The following NFKBIZ variants were observed in gnomAD, a reference collection of about 807,000 sequenced individuals.
NFKBIZ encodes the protein NF-kappa-B inhibitor zeta.
NFKBIZ carries 19 observed loss-of-function variants against 76.8 expected under a neutral mutation model. The observed-to-expected ratio is 0.25, with a 90% CI of 0.17 to 0.36. The LOEUF (loss-of-function observed/expected upper bound fraction) is 0.36, where lower values mean the gene tolerates loss of function less well. Among genes scored for constraint, NFKBIZ ranks in the 10% least tolerant of loss-of-function variants. The probability of loss-of-function intolerance (pLI) is 1.00; values close to 1 mark genes in which losing one functional copy is unlikely to be tolerated. For synonymous variants in NFKBIZ, 368 were observed against 354.8 expected (o/e 1.04, Z -0.42); for missense variants, 829 against 910.9 (o/e 0.91, Z 1.16).
intron 11 of NFKBIZ, among the ~76,000 whole-genome samples, chr3:101,859,072 A>G (rs755853997): frequency 1.3e-5 from 2 of 152,224 alleles, no homozygotes; most frequent in Non-Finnish European, 2.9e-5. Flanking sequence ...GATAATTTTT[A>G]GTGGAGATGT....
chr3:101,843,388 A>G (rs1196211891), intron 2 of NFKBIZ, among the ~76,000 whole-genome samples: 2 of 152,180 alleles, frequency 1.3e-5, no homozygotes, highest in Non-Finnish European at 2.9e-5. Context: ...GGTTACAATG[A>G]GCTATAATCA....
At chr3:101,856,681 C>T (rs1422264048) in intron 9 of NFKBIZ, 1 of 160,300 alleles carries the variant, frequency 6.2e-6, no homozygotes. Context: ...ACCCTTGAGG[C>T]TTACTGACTA....
upstream of NFKBIZ, among the ~76,000 whole-genome samples, chr3:101,848,578 C>A (rs60650635): frequency 0.013 from 1,934 of 152,312 alleles, 43 homozygotes; most frequent in African/African-American, 0.044. Context: ...CCTTATCATT[C>A]CCGCATTTTT....
chr3:101,834,559 C>G (rs1942690833), intron 2 of NFKBIZ, among the ~76,000 whole-genome samples: 1 of 152,022 alleles, frequency 6.6e-6, no homozygotes, highest in African/African-American at 2.4e-5. Context: ...TGGGGTTTCA[C>G]TGTGTTGGCC....
At chr3:101,857,982 T>A in intron 11 of NFKBIZ, 2 of 786,914 alleles carry the variant, frequency 2.5e-6, no homozygotes, top group Non-Finnish European at 3.0e-6. Flanking sequence ...CCTAGAAATA[T>A]TTTGTTTTAA....
At chr3:101,836,365 T>C (rs1210383552) in intron 2 of NFKBIZ, among the ~76,000 whole-genome samples, 1 of 152,244 alleles carries the variant, frequency 6.6e-6, no homozygotes, top group Non-Finnish European at 1.5e-5. Flanking sequence ...CCGGGAACTC[T>C]CTACGTAAAA....
intron 2 of NFKBIZ, among the ~76,000 whole-genome samples, chr3:101,839,167 C>A (rs1205081919): frequency 1.3e-5 from 2 of 151,982 alleles, no homozygotes; most frequent in African/African-American, 4.8e-5. Context: ...TCCTTGTTTA[C>A]AGAAATTCAA....
Position 101,853,290 on chromosome 3 carries a change from A to G in NFKBIZ, c.764A>G (p.Gln255Arg). 1 of 1,614,184 alleles carries G rather than the reference A, an allele frequency of 6.2e-7. No individual in the cohort carries two copies. Among genetic ancestry groups the G allele is most frequent in the Non-Finnish European group, 8.5e-7 (1 of 1,180,032 alleles). Residue 255 changes from glutamine (Q) to arginine (R), a missense_variant, in exon 5 of 12, where the codon CAG (glutamine) becomes CGG (arginine). Coordinates refer to ENST00000326172, the MANE Select transcript of NFKBIZ (RefSeq NM_031419.4). ...CAGAGCTCCCCCGCAGAGCAGTGTC[A>G]GGACTTCCATGGAGGGCAGGTCTTT... is the stretch of plus-strand genomic sequence containing the variant. Reference protein sequence around the residue: ...VPQSSPAEQCQDFHGGQVFSP... With the variant: ...VPQSSPAEQCRDFHGGQVFSP...
At chr3:101,855,233 C>A (rs1273256479) in intron 7 of NFKBIZ, 25 bp downstream of exon 7, 29 of 1,601,594 alleles carry the variant, frequency 1.8e-5, no homozygotes, top group Non-Finnish European at 2.5e-5. Flanking sequence ...ACCAGGCTTC[C>A]ATCATTGCAA....
At chr3:101,831,459 T>C (rs1942645826) in intron 2 of NFKBIZ, among the ~76,000 whole-genome samples, 1 of 152,152 alleles carries the variant, frequency 6.6e-6, no homozygotes, top group Admixed American at 6.5e-5. Context: ...TTTTCTGTGG[T>C]TTGTTGTCTT....
In NFKBIZ at chr3:101,830,458, C is replaced by T. The variant is rs148364919; in HGVS notation, c.-12+770C>T. 4.2e-4 allele frequency among the ~76,000 whole-genome samples: 64 copies of T among 152,260 alleles called. 1 individual carries two copies. The highest frequency in any genetic ancestry group is 1.5e-3 in the African/African-American group (62 of 41,550). On this transcript the variant is annotated intron_variant, in intron 2 of 12. Coordinates refer to the NFKBIZ transcript ENST00000394054. ...CCAGGTACTGATCATAGTTATTTTTCAGCCCTTGCTTTCCTCCCTCTCTCC... is the reference window on the plus strand; with the variant it reads ...CCAGGTACTGATCATAGTTATTTTTTAGCCCTTGCTTTCCTCCCTCTCTCC...
At chr3:101,834,954 C>A (rs1248224902) in intron 2 of NFKBIZ, among the ~76,000 whole-genome samples, 1 of 152,208 alleles carries the variant, frequency 6.6e-6, no homozygotes, top group Non-Finnish European at 1.5e-5. Flanking sequence ...TCCTCCTCTT[C>A]TCCTATGTTC....
intron 2 of NFKBIZ, among the ~76,000 whole-genome samples, chr3:101,832,105 T>G (rs1165063243): frequency 1.3e-5 from 2 of 152,034 alleles, no homozygotes; most frequent in Non-Finnish European, 2.9e-5. Flanking sequence ...TCTTTCTTTC[T>G]TTTTTATTTT....
At chr3:101,847,902 C>T (rs1942876880), upstream of NFKBIZ, among the ~76,000 whole-genome samples, 1 of 152,226 alleles carries the variant, frequency 6.6e-6, no homozygotes, top group African/African-American at 2.4e-5. Context: ...TCTGTGATCC[C>T]TTGTGATCTG....
chr3:101,853,216 T>G lies in NFKBIZ; in HGVS notation c.690T>G (p.Val230=), dbSNP rs1183896821. 1 of 1,614,168 alleles carries G rather than the reference T, an allele frequency of 6.2e-7. No individual in the cohort carries two copies. The highest frequency in any genetic ancestry group is 8.5e-7 in the Non-Finnish European group (1 of 1,180,032). Residue 230 remains valine (V), a synonymous_variant, in exon 5 of 12, where the codon GTT becomes GTG. Transcript: ENST00000326172. ...ACATTAAGAATGAATGCAGCCCCGT[T>G]TCCCTGAACACAGTTCAAGTTAGCT... ...IINIKNECSP[V]SLNTVQVSWL... is the part of the protein sequence containing the mutation.
chr3:101,852,704 G>T (rs1193376224), intron 2 of NFKBIZ, 34 bp from the exon 3 acceptor site: 4 of 1,520,918 alleles, frequency 2.6e-6, no homozygotes, highest in Non-Finnish European at 3.6e-6. Flanking sequence ...AAGTCATTTT[G>T]TATACACTAA....
rs370129791 is a variant in NFKBIZ at position 101,852,929 on chromosome 3, C to T, written c.504C>T (p.Pro168=). ...TVSYSGKRKG[P]DSLSDGPACK... Reference sequence around the variant, plus strand: ...CATACAGTGGGAAAAGGAAAGGGCCCGATTCGTTGTCTGATGGACCTGCTT... The same window carrying T: ...CATACAGTGGGAAAAGGAAAGGGCCTGATTCGTTGTCTGATGGACCTGCTT... The change falls in exon 4 of 12, where the codon CCC becomes CCT. Residue 168 remains proline, a synonymous_variant. Transcript: ENST00000326172. 40 of 1,613,996 alleles carry T rather than the reference C, an allele frequency of 2.5e-5. No individual in the cohort carries two copies. The Middle Eastern group carries it at 6.6e-4, about 27-fold the overall frequency.
chr3:101,849,997 G>A, intron 1 of NFKBIZ, 80 bp downstream of exon 1: 2 of 1,263,002 alleles, frequency 1.6e-6, no homozygotes, highest in Non-Finnish European at 1.0e-6. Flanking sequence ...CAGATGGAGG[G>A]TGGCCCCTGC....
chr3:101,858,125 C>T, intron 11 of NFKBIZ: 1 of 982,702 alleles, frequency 1.0e-6, no homozygotes. Context: ...TGATGGAACT[C>T]TTTTCCTGGG....
Sources: allele counts gnomAD v4.1 joint callset (sites outside exome capture counted in the v4.1 genomes callset), GRCh38; gene constraint gnomAD v4.1.1; transcripts MANE v1.5; gene names NCBI Gene and HGNC (gene_info 2026-07-23, HGNC 2026-07-21).